The following RGS12 variants were observed in gnomAD, a reference collection of about 807,000 sequenced individuals.
RGS12 encodes regulator of G-protein signaling 12.
RGS12 carries 66 observed loss-of-function variants against 120.1 expected under a neutral mutation model. The observed-to-expected ratio is 0.55, with a 90% confidence interval of 0.45 to 0.67. The LOEUF (loss-of-function observed/expected upper bound fraction) is 0.67. RGS12 is among the 30% of genes least tolerant of loss of function. The probability of loss-of-function intolerance (pLI) is 0.00; values close to 1 mark genes in which losing one functional copy is unlikely to be tolerated. For missense variants in RGS12, 1,859 were observed against 1,957.7 expected, an observed-to-expected ratio of 0.95 and a Z score of 0.95; for synonymous variants, 827 against 804.7, an observed-to-expected ratio of 1.03 and a Z score of -0.47.
intron 3 of RGS12, chr4:3,370,149 C>T (rs952481637): frequency 1.4e-5 from 21 of 1,540,706 alleles, no homozygotes; most frequent in East Asian, 2.3e-5. Flanking sequence ...CCATGGGTTA[C>T]GAAGGGAGCG....
At chr4:3,296,755 T>C (rs1723404474) in intron 1 of RGS12, among the ~76,000 whole-genome samples, 1 of 152,250 alleles carries the variant, frequency 6.6e-6, no homozygotes, top group Non-Finnish European at 1.5e-5. Flanking sequence ...GGAAGGTCCC[T>C]GTGGTTTCAC....
intron 3 of RGS12, among the ~76,000 whole-genome samples, chr4:3,377,013 C>CTTTTT (rs772104697): frequency 7.1e-6 from 1 of 139,952 alleles, no homozygotes. Flanking sequence ...TTGTTAAATT[C>CTTTTT]TTTTTTTTTT....
rs1329376836 is a variant in RGS12 at position 3,374,626 on chromosome 4, C to T, written c.1999-11790C>T. Among the ~76,000 whole-genome samples the T allele has an allele frequency of 6.6e-6, 1 of 151,988 alleles. No individual in the cohort carries two copies. Among genetic ancestry groups the T allele is most frequent in the Non-Finnish European group, 1.5e-5 (1 of 67,996 alleles). On this transcript the variant is annotated intron_variant, in intron 3 of 17. Coordinates refer to ENST00000336727, the MANE Select transcript of RGS12 (RefSeq NM_001394154.1). This position sits in a 1 kb window ranked among gnomAD's most constrained non-coding sequence, Gnocchi z 6.3. ...ATCTCAGGAAGGGATGTCCCTGTCC[C>T]TTCTGCTTGAGCCCACACCCTCTGA...
chr4:3,327,069 C>A (rs192814229), intron 2 of RGS12, among the ~76,000 whole-genome samples: 1 of 152,276 alleles, frequency 6.6e-6, no homozygotes, highest in Admixed American at 6.5e-5. Flanking sequence ...TTATACAAGG[C>A]TGTAGTAACC....
chr4:3,329,087 G>C (rs1014890484), intron 2 of RGS12, among the ~76,000 whole-genome samples: 1 of 152,280 alleles, frequency 6.6e-6, no homozygotes, highest in Admixed American at 6.5e-5. Context: ...CACAAAGACC[G>C]AGCTGCACAC....
intron 1 of RGS12, among the ~76,000 whole-genome samples, chr4:3,310,899 G>A (rs1334734035): frequency 6.6e-6 from 1 of 152,186 alleles, no homozygotes; most frequent in African/African-American, 2.4e-5. Flanking sequence ...AATAGCCTGG[G>A]TTCAAATCCA....
intron 1 of RGS12, among the ~76,000 whole-genome samples, chr4:3,308,158 A>G (rs1173769396): frequency 6.6e-6 from 1 of 152,192 alleles, no homozygotes; most frequent in Non-Finnish European, 1.5e-5. Flanking sequence ...CCTGGCCCTG[A>G]GCTGGTTGGG....
intron 4 of RGS12, among the ~76,000 whole-genome samples, chr4:3,412,526 C>T (rs1472257878): frequency 3.3e-5 from 5 of 152,232 alleles, no homozygotes; most frequent in South Asian, 4.1e-4. Flanking sequence ...TCAGCTCGTC[C>T]GCTGGGATCA....
Position 3,316,142 on chromosome 4 carries a change from C to T in RGS12, c.-29C>T, listed in dbSNP as rs777770336. On this transcript the variant is annotated 5_prime_UTR_variant, in exon 2 of 18. In the 5' UTR this introduces an upstream ATG that the reference lacks. Transcript: ENST00000336727. ...ATATGGCTCCAAGGGAACAATGAGA[C>T]GTGCTCTTGGTCTTGGAAGCTCATC... 2.6e-5 allele frequency: 39 copies of T among 1,516,146 alleles called. 1 individual carries two copies. The highest frequency in any genetic ancestry group is 2.6e-4 in the South Asian group (19 of 74,246). The allele number at this position is 1,516,146 out of a possible 1,614,324, so 93.9% of individuals were successfully genotyped here. A position where few individuals can be genotyped will look rare whatever the true frequency, so the allele number is the denominator to read the frequency against.
chr4:3,291,195 C>G (rs1723001058), upstream of RGS12, among the ~76,000 whole-genome samples: 1 of 152,244 alleles, frequency 6.6e-6, no homozygotes, highest in South Asian at 2.1e-4. Context: ...GGCCACTTGT[C>G]CCTGCCCTGG....
intron 17 of RGS12, among the ~76,000 whole-genome samples, chr4:3,432,835 GAGA>G (rs1724454052): frequency 1.3e-5 from 2 of 152,224 alleles, no homozygotes. Context: ...CAGTGAGTGG[GAGA>G]AGGAGGTGGG....
intron 3 of RGS12, among the ~76,000 whole-genome samples, chr4:3,355,794 C>CAAA (rs372490658): frequency 1.2e-3 from 71 of 57,476 alleles, no homozygotes; most frequent in African/African-American, 2.6e-3. Context: ...GACCTTGTCT[C>CAAA]AAAAAAAAAA....
intron 17 of RGS12, among the ~76,000 whole-genome samples, chr4:3,434,360 G>A (rs1313602787): frequency 1.3e-5 from 2 of 152,188 alleles, no homozygotes; most frequent in Admixed American, 6.5e-5. Context: ...TTCACGGTGA[G>A]GTTTGGGTGG....
intron 2 of RGS12, among the ~76,000 whole-genome samples, chr4:3,340,805 C>T (rs903240810): frequency 2.7e-5 from 4 of 148,814 alleles, no homozygotes; most frequent in Non-Finnish European, 5.9e-5. Context: ...TCTCCAGCCT[C>T]GGAGGCACGG....
rs1476373472 is a variant in RGS12 at position 3,370,459 on chromosome 4, G to A, written c.1999-15957G>A. The A allele has an allele frequency of 9.3e-6, 8 of 861,226 alleles. No homozygotes were observed. The East Asian group carries it at 1.2e-4, about 13-fold the overall frequency. The allele number at this position is 861,226 out of a possible 1,614,324, so 53.3% of individuals were successfully genotyped here. ...TAAGCTTTGGAAATGGTTTTCATGT[G>A]TCTGCACCACAGCTCAAAGCGAGTG... On this transcript the variant is annotated intron_variant, in intron 3 of 17. Coordinates refer to ENST00000336727, the MANE Select transcript of RGS12 (RefSeq NM_001394154.1).
In RGS12 at chr4:3,318,022, A is replaced by C; in HGVS notation, c.1852A>C (p.Asn618His). 1 of 1,604,254 alleles carries C rather than the reference A, an allele frequency of 6.2e-7. No individual in the cohort carries two copies. Among genetic ancestry groups the C allele is most frequent in the South Asian group, 1.1e-5 (1 of 90,112 alleles). ...GMQSIFGPHR[N>H]VRKTKEDKKG... ...GCAAAGCATTTTTGGTCCCCATCGA[A>C]ATGTTCGAAAGACTAAGGAAGATAA... The change falls in exon 2 of 18, where the codon AAT (asparagine) becomes CAT (histidine). Residue 618 changes from asparagine (N) to histidine (H), a missense_variant. Asn to His is a moderately conservative substitution (Grantham distance 68). Transcript: ENST00000336727.
intron 3 of RGS12, 50 bp downstream of exon 3, chr4:3,343,103 G>C: frequency 1.4e-6 from 2 of 1,387,234 alleles, no homozygotes; most frequent in Non-Finnish European, 1.0e-6. Context: ...TTTAAAAAAT[G>C]CAAGTCCACC....
intron 17 of RGS12, among the ~76,000 whole-genome samples, chr4:3,432,879 G>A (rs1724457995): frequency 6.6e-6 from 1 of 152,232 alleles, no homozygotes. Flanking sequence ...GTAGGTGTGT[G>A]TCCTCCACGT....
chr4:3,302,946 G>A (rs1237731923), intron 1 of RGS12, among the ~76,000 whole-genome samples: 1 of 152,180 alleles, frequency 6.6e-6, no homozygotes, highest in Non-Finnish European at 1.5e-5. Flanking sequence ...TGTGACCCCG[G>A]GGCAGCTGGC....
Sources: allele counts gnomAD v4.1 joint callset (sites outside exome capture counted in the v4.1 genomes callset), GRCh38; gene constraint gnomAD v4.1.1; non-coding constraint Gnocchi (gnomAD v3.1); transcripts MANE v1.5; gene names NCBI Gene and HGNC (gene_info 2026-07-23, HGNC 2026-07-21).